The following OPCML variants were observed in gnomAD, a reference collection of about 807,000 sequenced individuals.
OPCML encodes opioid binding protein/cell adhesion molecule like, also known as opioid-binding protein/cell adhesion molecule.
OPCML carries 13 observed loss-of-function variants against 37.8 expected under a neutral mutation model. That is an observed-to-expected ratio of 0.34 (90% CI 0.22 to 0.55). The LOEUF (loss-of-function observed/expected upper bound fraction) is 0.55. Ranked by LOEUF, OPCML falls within the 20% of genes least tolerant of loss-of-function variation. The probability of loss-of-function intolerance (pLI) is 0.91; values close to 1 mark genes in which losing one functional copy is unlikely to be tolerated. For synonymous variants in OPCML, 176 were observed against 168.8 expected, an observed-to-expected ratio of 1.04 and a Z score of -0.33; for missense variants, 341 against 435.6, an observed-to-expected ratio of 0.78 and a Z score of 1.93.
At chr11:133,195,382 G>C (rs1938497248) in intron 1 of OPCML, among the ~76,000 whole-genome samples, 1 of 152,206 alleles carries the variant, frequency 6.6e-6, no homozygotes. Flanking sequence ...CGTGAGAAAA[G>C]ATGCTGGAAT....
intron 1 of OPCML, among the ~76,000 whole-genome samples, chr11:133,530,477 C>T (rs534955065): frequency 6.6e-6 from 1 of 152,208 alleles, no homozygotes; most frequent in Admixed American, 6.5e-5. Context: ...GGAGGCCCCC[C>T]GGAGCTGCCA....
intron 1 of OPCML, among the ~76,000 whole-genome samples, chr11:133,329,640 G>T (rs917430885): frequency 6.6e-6 from 1 of 152,198 alleles, no homozygotes; most frequent in Non-Finnish European, 1.5e-5. Flanking sequence ...GCCATATGTA[G>T]AAAGCTGAAA....
At chr11:133,399,870 T>C (rs1945363933) in intron 1 of OPCML, among the ~76,000 whole-genome samples, 1 of 148,886 alleles carries the variant, frequency 6.7e-6, no homozygotes. Flanking sequence ...ATATATTATA[T>C]ATATATAAAA....
chr11:132,716,642 G>T (rs1944504790), intron 2 of OPCML, among the ~76,000 whole-genome samples: 1 of 152,108 alleles, frequency 6.6e-6, no homozygotes, highest in Non-Finnish European at 1.5e-5. Context: ...CTTCCTATTT[G>T]ATATAACTTT....
chr11:132,568,615 C>T (rs756938445), intron 3 of OPCML, among the ~76,000 whole-genome samples: 2 of 152,152 alleles, frequency 1.3e-5, no homozygotes, highest in African/African-American at 2.4e-5. Flanking sequence ...ACAATAAGGA[C>T]GGCCGCAGCC....
intron 4 of OPCML, among the ~76,000 whole-genome samples, chr11:132,480,640 A>G (rs887152766): frequency 1.2e-4 from 19 of 152,376 alleles, no homozygotes; most frequent in African/African-American, 4.6e-4. Context: ...TTACCCTCAA[A>G]GGGAAGCCCA....
chr11:132,581,717 A>G (rs2096462378), intron 3 of OPCML, among the ~76,000 whole-genome samples: 2 of 152,140 alleles, frequency 1.3e-5, no homozygotes, highest in South Asian at 4.1e-4. Context: ...TTAGGTAGAG[A>G]AAACTTTTTC....
At chr11:133,387,376 G>A (rs1260253140) in intron 1 of OPCML, among the ~76,000 whole-genome samples, 1 of 152,162 alleles carries the variant, frequency 6.6e-6, no homozygotes, top group Non-Finnish European at 1.5e-5. Context: ...CCGGCGGGGT[G>A]TTACATGGCC....
rs1409403470 is a variant in OPCML, at chr11:133,458,481, T to TAC, written c.61+73781_61+73782dup. Among the ~76,000 whole-genome samples the TAC allele has an allele frequency of 6.0e-4, 81 of 134,628 alleles. 2 individuals are homozygous for TAC. The highest frequency in any genetic ancestry group is 5.7e-3 in the Admixed American group (81 of 14,254). 88.3% of individuals were successfully genotyped at this position (134,628 alleles called of 152,430 possible). On this transcript the variant is annotated intron_variant, in intron 1 of 7. Coordinates refer to ENST00000524381, the MANE Select transcript of OPCML (RefSeq NM_001012393.5). ...ACACATATATACACGTGTGTGTATA[T>TAC]ACACATATATACACGTGTGTGTGTA...
At chr11:133,067,031 C>T (rs893337398) in intron 1 of OPCML, 1 of 152,134 alleles carries the variant, frequency 6.6e-6, no homozygotes, top group Admixed American at 6.6e-5. Context: ...GGTAAAACCA[C>T]TATAAAAATA....
At chr11:133,129,138 T>C (rs1949565269) in intron 1 of OPCML, among the ~76,000 whole-genome samples, 1 of 152,068 alleles carries the variant, frequency 6.6e-6, no homozygotes, top group African/African-American at 2.4e-5. Flanking sequence ...GTTGAGAGTC[T>C]GGGGGAGATC....
intron 1 of OPCML, among the ~76,000 whole-genome samples, chr11:133,339,189 T>C (rs1943808561): frequency 6.6e-6 from 1 of 152,226 alleles, no homozygotes; most frequent in Non-Finnish European, 1.5e-5. Flanking sequence ...TTAATAAAAA[T>C]GACTATTGAG....
chr11:132,478,418 G>A (rs1206785705), intron 4 of OPCML, among the ~76,000 whole-genome samples: 2 of 152,202 alleles, frequency 1.3e-5, no homozygotes, highest in African/African-American at 2.4e-5. Flanking sequence ...AGAGGAAGAT[G>A]AGAAAGATGA....
At chr11:132,568,461 A>C (rs2096429574) in intron 3 of OPCML, among the ~76,000 whole-genome samples, 1 of 152,206 alleles carries the variant, frequency 6.6e-6, no homozygotes, top group African/African-American at 2.4e-5. Context: ...TGCAGACATA[A>C]CTATACTGGA....
intron 1 of OPCML, among the ~76,000 whole-genome samples, chr11:133,028,524 CGTGT>C (rs10541354): frequency 0.3 from 43,483 of 146,972 alleles, 6,574 homozygotes; most frequent in Admixed American, 0.42. Context: ...TGATAAGGAG[CGTGT>C]GTGTGTGTGT....
intron 3 of OPCML, among the ~76,000 whole-genome samples, chr11:132,592,668 A>T (rs1200775298): frequency 6.6e-6 from 1 of 152,222 alleles, no homozygotes; most frequent in Non-Finnish European, 1.5e-5. Flanking sequence ...CACAACCAGG[A>T]TTCGTAGACC....
chr11:133,290,228 C>T (rs78210999), intron 1 of OPCML, among the ~76,000 whole-genome samples: 8,922 of 152,180 alleles, frequency 0.059, 316 homozygotes, highest in African/African-American at 0.078. Context: ...TCTGGGCACC[C>T]GTGGAGACCC....
intron 3 of OPCML, among the ~76,000 whole-genome samples, chr11:132,570,794 T>G (rs1318015856): frequency 0.028 from 3,104 of 109,416 alleles, 155 homozygotes; most frequent in Middle Eastern, 0.062. Flanking sequence ...TATATATATA[T>G]ATATATATTT....
chr11:132,979,788 C>T (rs1207169506), intron 1 of OPCML, among the ~76,000 whole-genome samples: 2 of 151,996 alleles, frequency 1.3e-5, no homozygotes, highest in Non-Finnish European at 2.9e-5. Flanking sequence ...GAGGGTTTAA[C>T]CAGGAGAATT....
Sources: gnomAD v4.1 joint callset for allele counts (sites outside exome capture counted in the v4.1 genomes callset) on GRCh38, gnomAD v4.1.1 for gene constraint, MANE v1.5 for transcripts, NCBI Gene and HGNC (gene_info 2026-07-23, HGNC 2026-07-21) for gene names.